The following PRKN variants were observed in gnomAD, a reference collection of about 807,000 sequenced individuals.
The protein encoded by PRKN is parkin RBR E3 ubiquitin protein ligase.
Under a neutral mutation model 59.5 loss-of-function variants are expected in PRKN, and 56 were observed. That is an observed-to-expected ratio of 0.94 (90% CI 0.76 to 1.18). The LOEUF is 1.18. PRKN is among the 50% of genes most tolerant of loss of function. The pLI is 0.00. For missense variants in PRKN, 657 were observed against 596.4 expected (o/e 1.10, Z -1.06); for synonymous variants, 250 against 222.1 (o/e 1.13, Z -1.12).
chr6:162,034,186 T>G (rs376696237), intron 5 of PRKN, among the ~76,000 whole-genome samples: 7,131 of 133,208 alleles, frequency 0.054, 252 homozygotes, highest in African/African-American at 0.099. Context: ...TATATATATA[T>G]AGAGAGAGAG....
chr6:162,708,873 G>C (rs1262717864), intron 1 of PRKN, among the ~76,000 whole-genome samples: 5 of 152,166 alleles, frequency 3.3e-5, no homozygotes, highest in Admixed American at 3.3e-4. Context: ...CCACACAGCA[G>C]GAGGTGAGTG....
chr6:161,400,135 AC>A lies in PRKN; in HGVS notation c.1084-13259del, dbSNP rs1413723191. ...AGGGCTAGTGGCCACCATGCTGGCC[AC>A]CACGCTGGACTGCGCAGGTCTACAA... On this transcript the variant is annotated intron_variant, in intron 9 of 11. Coordinates refer to ENST00000366898, the MANE Select transcript of PRKN (RefSeq NM_004562.3). The surrounding 1 kb of genome is among the most constrained non-coding windows in gnomAD (Gnocchi z 4.2). Among the ~76,000 whole-genome samples the A allele has an allele frequency of 1.1e-4, 16 of 152,126 alleles. No individual in the cohort carries two copies. In the East Asian group the frequency reaches 3.1e-3, roughly 30 times the overall value.
intron 2 of PRKN, among the ~76,000 whole-genome samples, chr6:162,272,739 T>G (rs1371983560): frequency 6.6e-6 from 1 of 152,052 alleles, no homozygotes; most frequent in Admixed American, 6.6e-5. Flanking sequence ...GGCTCATGCT[T>G]GTAATCCCAG....
At chr6:162,375,903 G>C (rs998210897) in intron 2 of PRKN, among the ~76,000 whole-genome samples, 1 of 151,986 alleles carries the variant, frequency 6.6e-6, no homozygotes, top group African/African-American at 2.4e-5. Flanking sequence ...TGGGACATCA[G>C]CTACTAGGTC....
chr6:162,215,614 G>A (rs1335808172), intron 3 of PRKN, among the ~76,000 whole-genome samples: 1 of 152,124 alleles, frequency 6.6e-6, no homozygotes, highest in Non-Finnish European at 1.5e-5. Context: ...CACCATGTTC[G>A]TGTCATCATT....
At chr6:162,070,122 T>C (rs1429254314) in intron 4 of PRKN, among the ~76,000 whole-genome samples, 1 of 152,222 alleles carries the variant, frequency 6.6e-6, no homozygotes, top group Non-Finnish European at 1.5e-5. Flanking sequence ...TACTTGGTCA[T>C]GTGTTGATAA....
In PRKN at chr6:161,502,429, C is replaced by A. The variant is rs1039781842; in HGVS notation, c.1083+46425G>T. On this transcript the variant is annotated intron_variant, in intron 9 of 11. Transcript: ENST00000366898. This position sits in a 1 kb window ranked among gnomAD's most constrained non-coding sequence, Gnocchi z 4.0. ...ATGGTAAAGGACCCCTTCTAACCAA[C>A]CCTGGGAAATTAGCAAGGTTTCCCA... Among the ~76,000 whole-genome samples, 1 of 152,164 alleles carries A rather than the reference C, an allele frequency of 6.6e-6. No individual in the cohort carries two copies. The highest frequency in any genetic ancestry group is 2.4e-5 in the African/African-American group (1 of 41,426).
At position 161,488,889 on chromosome 6, in the gene PRKN, T is replaced by C. The variant is rs1476711103; in HGVS notation, c.1083+59965A>G. ...AAAGGATGGCTGATACATTGAATGA[T>C]GAAGAGGAATTAAGGCAATGGAAAA... is the stretch of plus-strand genomic sequence containing the variant. On this transcript the variant is annotated intron_variant, in intron 9 of 11. Transcript: ENST00000366898. This position sits in a 1 kb window ranked among gnomAD's most constrained non-coding sequence, Gnocchi z 4.5. Among the ~76,000 whole-genome samples, 1 of 152,124 alleles carries C rather than the reference T, an allele frequency of 6.6e-6. No homozygotes were observed. The highest frequency in any genetic ancestry group is 1.5e-5 in the Non-Finnish European group (1 of 68,032).
chr6:161,783,707 A>C (rs756299356), intron 7 of PRKN: 2 of 506,466 alleles, frequency 3.9e-6, no homozygotes, highest in Admixed American at 4.2e-5. Context: ...TTGTCACATT[A>C]AAAGCATTAC....
chr6:161,763,383 GGA>G (rs1789285152), intron 7 of PRKN, among the ~76,000 whole-genome samples: 1 of 151,718 alleles, frequency 6.6e-6, no homozygotes, highest in Non-Finnish European at 1.5e-5. Context: ...CTGGGAAACA[GGA>G]GACACCCCCA....
intron 6 of PRKN, among the ~76,000 whole-genome samples, chr6:161,889,378 T>G (rs1227063208): frequency 6.6e-6 from 1 of 152,172 alleles, no homozygotes; most frequent in African/African-American, 2.4e-5. Flanking sequence ...GAGTAAATGC[T>G]CAAATACACT....
chr6:162,535,157 G>A (rs865908893), intron 1 of PRKN, among the ~76,000 whole-genome samples: 3 of 152,070 alleles, frequency 2.0e-5, no homozygotes, highest in East Asian at 1.9e-4. Flanking sequence ...AGTGCCAGTC[G>A]GAGTTGGCTG....
chr6:161,840,754 C>G (rs1792950986), intron 6 of PRKN, among the ~76,000 whole-genome samples: 1 of 152,142 alleles, frequency 6.6e-6, no homozygotes, highest in Non-Finnish European at 1.5e-5. Context: ...TGGCCTCCAG[C>G]TCCACCCATG....
At chr6:161,450,074 G>T (rs749229851) in intron 9 of PRKN, among the ~76,000 whole-genome samples, 7 of 152,160 alleles carry the variant, frequency 4.6e-5, no homozygotes, top group African/African-American at 9.7e-5. Context: ...AAATACATGG[G>T]GAACTGAAAA....
At position 161,354,256 on chromosome 6, in the gene PRKN, A is replaced by G. The variant is rs78044257; in HGVS notation, c.1286-4045T>C. 0.015 allele frequency among the ~76,000 whole-genome samples: 2,313 copies of G among 152,288 alleles called. 18 individuals are homozygous for G. The highest frequency in any genetic ancestry group is 0.022 in the Admixed American group (342 of 15,298). ...CAATTCTAAAAGCTTTGCCAGCTTA[A>G]AAGTAAGTGCATCCAGGAAGCAGCT... On this transcript the variant is annotated intron_variant, in intron 11 of 11. Coordinates refer to ENST00000366898, the MANE Select transcript of PRKN (RefSeq NM_004562.3). The surrounding 1 kb of genome is among the most constrained non-coding windows in gnomAD (Gnocchi z 6.7).
At position 162,266,638 on chromosome 6, in the gene PRKN, A is replaced by T. The variant is rs1437415469; in HGVS notation, c.172-3873T>A. Among the ~76,000 whole-genome samples, 4 of 152,212 alleles carry T rather than the reference A, an allele frequency of 2.6e-5. No homozygotes were observed. In the East Asian group the frequency reaches 7.7e-4, roughly 29 times the overall value. On this transcript the variant is annotated intron_variant, in intron 2 of 11. Transcript: ENST00000366898. ...AAAGTCAAACGGACTCAAGCTCTAC[A>T]TAATTTATTAGCTGTATGAATTTTG... is the stretch of plus-strand genomic sequence containing the variant.
chr6:162,305,511 G>A (rs776827421), intron 2 of PRKN, among the ~76,000 whole-genome samples: 1 of 151,978 alleles, frequency 6.6e-6, no homozygotes, highest in Non-Finnish European at 1.5e-5. Flanking sequence ...ATTCTTGAAC[G>A]AGCTTCGCTC....
At chr6:161,839,299 G>A (rs992728569) in intron 6 of PRKN, among the ~76,000 whole-genome samples, 13 of 152,134 alleles carry the variant, frequency 8.5e-5, no homozygotes, top group African/African-American at 3.1e-4. Flanking sequence ...GCCTGGAGCT[G>A]GGATGGGCTC....
chr6:162,192,653 C>G (rs977639048), intron 4 of PRKN, among the ~76,000 whole-genome samples: 2 of 151,304 alleles, frequency 1.3e-5, no homozygotes, highest in African/African-American at 4.9e-5. Context: ...GAAGCAGGTT[C>G]TCACTATAAT....
Sources: allele counts gnomAD v4.1 joint callset (sites outside exome capture counted in the v4.1 genomes callset), GRCh38; gene constraint gnomAD v4.1.1; non-coding constraint Gnocchi (gnomAD v3.1); transcripts MANE v1.5; gene names NCBI Gene and HGNC (gene_info 2026-07-23, HGNC 2026-07-21).